The following RAB7A variants were observed in gnomAD, a reference collection of about 807,000 sequenced individuals.
RAB7A encodes the protein RAB7A, member RAS oncogene family.
In RAB7A, 2 loss-of-function variants were observed where a neutral mutation model predicts 24.5. The ratio of observed to expected loss-of-function variants is 0.08; its 90% CI spans 0.03 to 0.26. The LOEUF (loss-of-function observed/expected upper bound fraction) is 0.26, where lower values mean the gene tolerates loss of function less well. Among genes scored for constraint, RAB7A ranks in the 10% least tolerant of loss-of-function variants. The probability of loss-of-function intolerance (pLI) is 1.00; values close to 1 mark genes in which losing one functional copy is unlikely to be tolerated. For missense variants in RAB7A, 118 were observed against 255.7 expected, an observed-to-expected ratio of 0.46 and a Z score of 3.67; for synonymous variants, 100 against 95.9, an observed-to-expected ratio of 1.04 and a Z score of -0.25.
Position 128,740,142 on chromosome 3 carries a change from C to T in RAB7A, c.-9+13783C>T, listed in dbSNP as rs367727336. On this transcript the variant is annotated intron_variant, in intron 1 of 5. Transcript: ENST00000265062. ...AATCAATCCCATCACTTTGGGAGGC[C>T]GCCGAGATGGGTGGATCACGAGGTC... Among the ~76,000 whole-genome samples, 7 of 152,182 alleles carry T rather than the reference C, an allele frequency of 4.6e-5. No individual in the cohort carries two copies. The East Asian group carries it at 9.7e-4, about 21-fold the overall frequency.
In RAB7A at chr3:128,758,706, G is replaced by A. The variant is rs373127618; in HGVS notation, c.-9+32347G>A. Among the ~76,000 whole-genome samples, 8 of 152,232 alleles carry A rather than the reference G, an allele frequency of 5.3e-5. 1 individual carries two copies. The highest frequency in any genetic ancestry group is 1.7e-4 in the African/African-American group (7 of 41,524). ...AGCATGCTTCTGTCTCTGAGCATTA[G>A]TTTTCTCATATATCAGATAAAAGGG... On this transcript the variant is annotated intron_variant, in intron 1 of 5. Coordinates refer to ENST00000265062, the MANE Select transcript of RAB7A (RefSeq NM_004637.6).
chr3:128,745,607 C>T (rs149744393), intron 1 of RAB7A, among the ~76,000 whole-genome samples: 1,884 of 152,318 alleles, frequency 0.012, 36 homozygotes, highest in African/African-American at 0.042. Context: ...CTCAAGTGAT[C>T]CACATGCCTC....
intron 1 of RAB7A, among the ~76,000 whole-genome samples, chr3:128,751,222 G>A (rs1408116005): frequency 6.6e-6 from 1 of 152,210 alleles, no homozygotes; most frequent in African/African-American, 2.4e-5. Context: ...TAGTGGAGCT[G>A]TGAGAAGAGG....
At chr3:128,773,579 G>A (rs938680753) in intron 1 of RAB7A, among the ~76,000 whole-genome samples, 55 of 152,208 alleles carry the variant, frequency 3.6e-4, no homozygotes, top group African/African-American at 1.3e-3. Flanking sequence ...CCACCACCCC[G>A]TCTGGGAGGT....
chr3:128,785,044 C>A (rs958339384), intron 1 of RAB7A: 5 of 151,156 alleles, frequency 3.3e-5, no homozygotes, highest in African/African-American at 1.2e-4. Context: ...CCCCCAGGTT[C>A]TAGTGAGTCT....
rs780732950 is a variant in RAB7A, at chr3:128,795,401, A to G, written c.34A>G (p.Ile12Val). 6.2e-7 allele frequency: 1 copy of G among 1,613,390 alleles called. No homozygotes were observed. The highest frequency in any genetic ancestry group is 8.5e-7 in the Non-Finnish European group (1 of 1,179,332). ...TSRKKVLLKV[I>V]ILGDSGVGKT... ...TAGGAAGAAAGTGTTGCTGAAGGTTATCATCCTGGGAGATTCTGGGTAAGT... is the reference window on the plus strand; with the variant it reads ...TAGGAAGAAAGTGTTGCTGAAGGTTGTCATCCTGGGAGATTCTGGGTAAGT... Residue 12 changes from isoleucine (I) to valine (V), a missense_variant, in exon 2 of 6, where the codon ATC (isoleucine) becomes GTC (valine). Transcript: ENST00000265062.
intron 4 of RAB7A, among the ~76,000 whole-genome samples, chr3:128,806,953 A>G (rs1180964641): frequency 2.0e-5 from 3 of 152,244 alleles, no homozygotes; most frequent in African/African-American, 7.2e-5. Context: ...TTGGGCTTTG[A>G]GTAAAATTGC....
chr3:128,761,304 G>A (rs1187066730), intron 1 of RAB7A, among the ~76,000 whole-genome samples: 8 of 152,122 alleles, frequency 5.3e-5, no homozygotes, highest in Admixed American at 4.6e-4. Flanking sequence ...TTTTGATTAC[G>A]AAGTCATACA....
intron 1 of RAB7A, among the ~76,000 whole-genome samples, chr3:128,766,204 A>G (rs2070829932): frequency 6.6e-6 from 1 of 152,220 alleles, no homozygotes; most frequent in Non-Finnish European, 1.5e-5. Context: ...GATATGCTCC[A>G]CTGAATACAG....
At chr3:128,738,509 C>T (rs560125394) in intron 1 of RAB7A, among the ~76,000 whole-genome samples, 1 of 152,304 alleles carries the variant, frequency 6.6e-6, no homozygotes, top group Admixed American at 6.5e-5. Context: ...AATTCCCCTT[C>T]ATCTCTGTTT....
chr3:128,810,768 G>A (rs1233649231), intron 5 of RAB7A, among the ~76,000 whole-genome samples: 1 of 152,138 alleles, frequency 6.6e-6, no homozygotes, highest in Non-Finnish European at 1.5e-5. Flanking sequence ...CAAACATTCT[G>A]CCCAGCCGAG....
At chr3:128,775,857 A>T (rs2107603045) in intron 1 of RAB7A, among the ~76,000 whole-genome samples, 1 of 152,344 alleles carries the variant, frequency 6.6e-6, no homozygotes, top group East Asian at 1.9e-4. Context: ...TGGCTGTATC[A>T]GGCTATTTAA....
chr3:128,804,525 T>G (rs1267950197), intron 3 of RAB7A, among the ~76,000 whole-genome samples: 1 of 152,268 alleles, frequency 6.6e-6, no homozygotes, highest in Non-Finnish European at 1.5e-5. Flanking sequence ...ATTAAAAAAT[T>G]TAAAAATCAC....
intron 3 of RAB7A, among the ~76,000 whole-genome samples, chr3:128,805,118 TTTG>T (rs1933773758): frequency 7.6e-6 from 1 of 131,326 alleles, no homozygotes; most frequent in South Asian, 2.2e-4. Context: ...CAAGTGTTCT[TTTG>T]TTTGTTTGTT....
At chr3:128,782,256 C>A (rs571085545) in intron 1 of RAB7A, among the ~76,000 whole-genome samples, 1 of 152,222 alleles carries the variant, frequency 6.6e-6, no homozygotes, top group East Asian at 1.9e-4. Context: ...AGCTATGGAG[C>A]CTTAGACAAG....
chr3:128,781,338 A>G (rs1398795630), intron 1 of RAB7A, among the ~76,000 whole-genome samples: 2 of 152,032 alleles, frequency 1.3e-5, no homozygotes, highest in African/African-American at 4.8e-5. Flanking sequence ...TTTGTGGAGG[A>G]TTCTCATTTT....
Position 128,814,046 on chromosome 3 carries a change from A to T in RAB7A, c.*624A>T, listed in dbSNP as rs913601083. The T allele has an allele frequency of 1.3e-5, 2 of 159,402 alleles. No individual in the cohort carries two copies. Among genetic ancestry groups the T allele is most frequent in the African/African-American group, 4.8e-5 (2 of 41,494 alleles). 9.9% of individuals were successfully genotyped at this position (159,402 alleles called of 1,614,324 possible). A position where few individuals can be genotyped will look rare whatever the true frequency, so the allele number is the denominator to read the frequency against. On this transcript the variant is annotated 3_prime_UTR_variant, in exon 6 of 6. Transcript: ENST00000265062. Reference sequence around the variant, plus strand: ...GTAATGCTTCTTAGAAAAGAATCTTATAGTACATGTTAATATATGCAACCA... The same window carrying T: ...GTAATGCTTCTTAGAAAAGAATCTTTTAGTACATGTTAATATATGCAACCA...
chr3:128,755,445 T>A (rs1251190181), intron 1 of RAB7A, among the ~76,000 whole-genome samples: 1 of 152,074 alleles, frequency 6.6e-6, no homozygotes, highest in East Asian at 1.9e-4. Context: ...TTTTACACCT[T>A]AACAAAGTAG....
intron 1 of RAB7A, among the ~76,000 whole-genome samples, chr3:128,733,394 T>C (rs1049408474): frequency 8.5e-5 from 13 of 152,208 alleles, no homozygotes; most frequent in African/African-American, 2.9e-4. Flanking sequence ...TTTCCATTGC[T>C]CAGTAGTATT....
Sources: allele counts gnomAD v4.1 joint callset (sites outside exome capture counted in the v4.1 genomes callset), GRCh38; gene constraint gnomAD v4.1.1; transcripts MANE v1.5; gene names NCBI Gene and HGNC (gene_info 2026-07-23, HGNC 2026-07-21).